ZNF451: variants seen among roughly 807,000 people sequenced by gnomAD.
ZNF451 encodes the protein E3 SUMO-protein ligase ZNF451.
In ZNF451, 80 loss-of-function variants were observed where a neutral mutation model predicts 107.1. That is an observed-to-expected ratio of 0.75 (90% CI 0.62 to 0.90). The LOEUF (loss-of-function observed/expected upper bound fraction) is 0.90. ZNF451 is among the 40% of genes least tolerant of loss of function. ZNF451 has a pLI of 0.00. For missense variants in ZNF451, 1,107 were observed against 1,236.2 expected (o/e 0.90, Z 1.57); for synonymous variants, 362 against 406.5 (o/e 0.89, Z 1.32).
intron 6 of ZNF451, chr6:57,134,265 A>T (rs1371147440): frequency 3.3e-5 from 5 of 153,578 alleles, no homozygotes; most frequent in African/African-American, 1.2e-4. Context: ...ACCTTAGCTA[A>T]AGTGCTCCAG....
At chr6:57,112,645 A>G (rs1211496868) in intron 3 of ZNF451, among the ~76,000 whole-genome samples, 2 of 152,182 alleles carry the variant, frequency 1.3e-5, no homozygotes, top group East Asian at 3.9e-4. Context: ...TGAGATAGGA[A>G]ACTGGGTTGT....
chr6:57,159,395 G>C (rs181127969), intron 13 of ZNF451: 1 of 985,190 alleles, frequency 1.0e-6, no homozygotes, highest in Non-Finnish European at 1.2e-6. Flanking sequence ...AAAGCTGTGG[G>C]TATTTTCCTT....
In ZNF451 at chr6:57,109,898, A is replaced by G. The variant is rs369236291; in HGVS notation, c.186+10757A>G. Among the ~76,000 whole-genome samples the G allele has an allele frequency of 7.2e-5, 11 of 152,324 alleles. No individual in the cohort carries two copies. In the East Asian group the frequency reaches 1.3e-3, roughly 19 times the overall value. On this transcript the variant is annotated intron_variant, in intron 3 of 14. Transcript: ENST00000370706. ...TCAGACATCTTTTTCAGTACCTGCT[A>G]TGTGCAGGCAGGTATTGAGAAAGGT...
chr6:57,147,464 C>A lies in ZNF451; in HGVS notation c.1379C>A (p.Ala460Asp). ...NLKDKSHEGV[A>D]CVQKEKSVVK... is the part of the protein sequence containing the mutation. ...AAAGATAAAAGCCATGAAGGTGTTG[C>A]TTGTGTCCAGAAAGAAAAATCAGTA... The change falls in exon 10 of 15, where the codon GCT (alanine) becomes GAT (aspartate). Residue 460 changes from alanine to aspartate, a missense_variant. Coordinates refer to ENST00000370706, the MANE Select transcript of ZNF451 (RefSeq NM_001031623.3). 1 of 1,614,096 alleles carries A rather than the reference C, an allele frequency of 6.2e-7. No homozygotes were observed. Among genetic ancestry groups the A allele is most frequent in the South Asian group, 1.1e-5 (1 of 91,078 alleles).
intron 7 of ZNF451, among the ~76,000 whole-genome samples, chr6:57,139,969 G>A (rs1408629440): frequency 6.6e-6 from 1 of 152,130 alleles, no homozygotes; most frequent in Non-Finnish European, 1.5e-5. Context: ...CTTGAGCCCA[G>A]GATGTCAAGG....
At chr6:57,136,324 ATTCC>A (rs917565029) in intron 7 of ZNF451, among the ~76,000 whole-genome samples, 8 of 152,148 alleles carry the variant, frequency 5.3e-5, no homozygotes, top group African/African-American at 1.9e-4. Flanking sequence ...CTATAGCCCA[ATTCC>A]TTCCTTTTTT....
intron 3 of ZNF451, chr6:57,099,393 G>T: frequency 1.4e-6 from 1 of 706,470 alleles, no homozygotes; most frequent in Non-Finnish European, 2.6e-6. Flanking sequence ...GGTGATATCT[G>T]ATAAAATGGA....
chr6:57,129,797 C>G (rs911871761), intron 5 of ZNF451, among the ~76,000 whole-genome samples: 1 of 152,082 alleles, frequency 6.6e-6, no homozygotes, highest in Non-Finnish European at 1.5e-5. Context: ...CTCCTGCCCC[C>G]AAAAACCTTT....
intron 3 of ZNF451, among the ~76,000 whole-genome samples, chr6:57,118,672 C>T (rs561005878): frequency 2.2e-4 from 34 of 152,010 alleles, no homozygotes; most frequent in Admixed American, 5.2e-4. Context: ...TTTGTAGAGA[C>T]GAGGCCTTGC....
chr6:57,150,865 A>G lies in ZNF451; in HGVS notation c.2752+3A>G. On this transcript the variant is annotated splice_donor_region_variant and intron_variant, in intron 11 of 14. Coordinates refer to ENST00000370706, the MANE Select transcript of ZNF451 (RefSeq NM_001031623.3). ...AACATTTATTTGGGGCTTTCAAGGTACGGTTAATAAGAAAAACAAAAGAAA... is the reference window on the plus strand; with the variant it reads ...AACATTTATTTGGGGCTTTCAAGGTGCGGTTAATAAGAAAAACAAAAGAAA... The G allele has an allele frequency of 6.2e-7, 1 of 1,613,462 alleles. No individual in the cohort carries two copies. The highest frequency in any genetic ancestry group is 8.5e-7 in the Non-Finnish European group (1 of 1,179,888).
In ZNF451 at chr6:57,169,692, A is replaced by G. The variant is rs1213997977; in HGVS notation, c.*1223A>G. On this transcript the variant is annotated 3_prime_UTR_variant, in exon 15 of 15. Coordinates refer to ENST00000370706, the MANE Select transcript of ZNF451 (RefSeq NM_001031623.3). ...TTTATTACTATAGTCTTTTCAATCTATAATTTGTGTTTTTAATTTCTTGAT... is the reference window on the plus strand; with the variant it reads ...TTTATTACTATAGTCTTTTCAATCTGTAATTTGTGTTTTTAATTTCTTGAT... 1 of 152,118 alleles carries G rather than the reference A, an allele frequency of 6.6e-6. No individual in the cohort carries two copies. The highest frequency in any genetic ancestry group is 1.5e-5 in the Non-Finnish European group (1 of 68,014). The allele number at this position is 152,118 out of a possible 1,614,324, so 9.4% of individuals were successfully genotyped here. A position where few individuals can be genotyped will look rare whatever the true frequency, so the allele number is the denominator to read the frequency against.
intron 7 of ZNF451, among the ~76,000 whole-genome samples, chr6:57,137,797 G>T (rs1489406119): frequency 1.3e-5 from 2 of 152,118 alleles, no homozygotes; most frequent in African/African-American, 4.8e-5. Context: ...AAGCTACTTT[G>T]TGTCTCCATG....
chr6:57,167,266 T>C (rs1220463199), intron 14 of ZNF451, among the ~76,000 whole-genome samples: 1 of 152,192 alleles, frequency 6.6e-6, no homozygotes, highest in Non-Finnish European at 1.5e-5. Context: ...TCTGCAGTGC[T>C]ACCTTTGTTA....
chr6:57,168,280 A>C (rs1161194171), intron 14 of ZNF451, 143 bp from the exon 15 acceptor site: 2 of 555,240 alleles, frequency 3.6e-6, no homozygotes, highest in Non-Finnish European at 6.2e-6. Context: ...TTTTTAGTAG[A>C]GAAACTGCCA....
chr6:57,158,845 G>A, intron 13 of ZNF451: 1 of 985,398 alleles, frequency 1.0e-6, no homozygotes, highest in Non-Finnish European at 1.2e-6. Flanking sequence ...GCTTCATTGT[G>A]GATGAGTGGG....
chr6:57,113,530 C>A (rs910531916), intron 3 of ZNF451, among the ~76,000 whole-genome samples: 1 of 151,132 alleles, frequency 6.6e-6, no homozygotes, highest in Non-Finnish European at 1.5e-5. Context: ...TTCAACTTTT[C>A]GATGAGTGAT....
At chr6:57,099,601 T>A (rs1340854154) in intron 3 of ZNF451, 2 of 697,740 alleles carry the variant, frequency 2.9e-6, no homozygotes, top group African/African-American at 3.5e-5. Context: ...GGGGATATAT[T>A]ACTTCAGTCA....
In ZNF451 at chr6:57,099,862, G is replaced by A. The variant is rs1182887711; in HGVS notation, c.186+721G>A. ...AGAGTGGCCACAAACTTCTTGCTCT[G>A]TGATATAGGGGATTGAGACTTGGAC... On this transcript the variant is annotated intron_variant, in intron 3 of 14. Coordinates refer to ENST00000370706, the MANE Select transcript of ZNF451 (RefSeq NM_001031623.3). Among the ~76,000 whole-genome samples the A allele has an allele frequency of 2.0e-5, 3 of 152,316 alleles. No homozygotes were observed. The East Asian group carries it at 5.8e-4, about 29-fold the overall frequency.
Position 57,147,390 on chromosome 6 carries a change from A to C in ZNF451, c.1305A>C (p.Glu435Asp). Residue 435 changes from glutamate (E) to aspartate (D), a missense_variant, in exon 10 of 15, where the codon GAA (glutamate) becomes GAC (aspartate). By Grantham distance (45) the Glu-to-Asp change is conservative. Coordinates refer to ENST00000370706, the MANE Select transcript of ZNF451 (RefSeq NM_001031623.3). Reference protein sequence around the residue: ...SSLKRTMSIKESSSLECIAIP... With the variant: ...SSLKRTMSIKDSSSLECIAIP... ...TTAAAAGAACCATGTCTATTAAAGA[A>C]TCTAGCTCACTGGAGTGCATTGCCA... 2.5e-6 allele frequency: 4 copies of C among 1,614,144 alleles called. No individual in the cohort carries two copies. The highest frequency in any genetic ancestry group is 1.7e-6 in the Non-Finnish European group (2 of 1,179,976).
Sources: gnomAD v4.1 joint callset for allele counts (sites outside exome capture counted in the v4.1 genomes callset) on GRCh38, gnomAD v4.1.1 for gene constraint, MANE v1.5 for transcripts, NCBI Gene and HGNC (gene_info 2026-07-23, HGNC 2026-07-21) for gene names.